The following ZBTB7C variants were observed in gnomAD, a reference collection of about 807,000 sequenced individuals.
ZBTB7C encodes zinc finger and BTB domain containing 7C.
A neutral mutation model predicts 25.7 loss-of-function variants in ZBTB7C; 8 were observed. The ratio of observed to expected loss-of-function variants is 0.31; its 90% confidence interval spans 0.18 to 0.56. The LOEUF is 0.56. Ranked by LOEUF, ZBTB7C falls within the 20% of genes least tolerant of loss-of-function variation. ZBTB7C has a pLI of 0.91. For missense variants in ZBTB7C, 824 were observed against 855.2 expected (o/e 0.96, Z 0.46); for synonymous variants, 394 against 369.0 (o/e 1.07, Z -0.78).
intron 3 of ZBTB7C, among the ~76,000 whole-genome samples, chr18:48,057,870 C>T (rs1225237945): frequency 6.6e-6 from 1 of 152,230 alleles, no homozygotes; most frequent in Non-Finnish European, 1.5e-5. Context: ...TGGCTGCCAT[C>T]AGGTGCTGTA....
chr18:48,269,408 CA>C (rs1424363908), intron 2 of ZBTB7C, among the ~76,000 whole-genome samples: 1 of 152,238 alleles, frequency 6.6e-6, no homozygotes, highest in Non-Finnish European at 1.5e-5. Context: ...CCAAAAGCCA[CA>C]CCTCCTAATA....
chr18:48,055,410 CAAAAAAAAAAAAAA>C (rs57782791), intron 3 of ZBTB7C, among the ~76,000 whole-genome samples: 1 of 72,790 alleles, frequency 1.4e-5, no homozygotes, highest in African/African-American at 5.3e-5. Context: ...ACTCAAGTCT[CAAAAAAAAAAAAAA>C]AAAAAAAAAG....
rs4075918 is a variant in ZBTB7C, at chr18:48,107,218, G to A, written c.-16-66095C>T. Among the ~76,000 whole-genome samples, 365 of 151,518 alleles carry A rather than the reference G, an allele frequency of 2.4e-3. 2 individuals are homozygous for A. Among genetic ancestry groups the A allele is most frequent in the Non-Finnish European group, 4.1e-3 (277 of 67,830 alleles). ...GTCAGGAGGGAGGAGGATTGAGAAG[G>A]AGGGGAGAAGGTGGAGGAGGGGTTA... On this transcript the variant is annotated intron_variant, in intron 3 of 4. Coordinates refer to ENST00000590800, the MANE Select transcript of ZBTB7C (RefSeq NM_001318841.2).
At chr18:48,376,189 A>T (rs2145187498) in intron 1 of ZBTB7C, among the ~76,000 whole-genome samples, 1 of 152,358 alleles carries the variant, frequency 6.6e-6, no homozygotes, top group African/African-American at 2.4e-5. Context: ...ACTAATCCAT[A>T]TTAAGTTGTT....
chr18:48,282,322 G>C (rs1270831671), intron 2 of ZBTB7C, among the ~76,000 whole-genome samples: 1 of 95,110 alleles, frequency 1.1e-5, no homozygotes. Context: ...GGGGTGGGGG[G>C]AGGGGGGAGG....
chr18:48,366,587 G>A (rs139690358), intron 1 of ZBTB7C, among the ~76,000 whole-genome samples: 269 of 152,264 alleles, frequency 1.8e-3, no homozygotes, highest in Non-Finnish European at 3.2e-3. Flanking sequence ...TTACAAACAC[G>A]TACAAGTCCA....
intron 3 of ZBTB7C, among the ~76,000 whole-genome samples, chr18:48,106,249 A>T (rs368550058): frequency 2.0e-5 from 3 of 151,764 alleles, no homozygotes; most frequent in Non-Finnish European, 4.4e-5. Flanking sequence ...CCAGCATCTC[A>T]TCTTCAGCAA....
intron 2 of ZBTB7C, among the ~76,000 whole-genome samples, chr18:48,331,692 A>T (rs180674802): frequency 6.6e-6 from 1 of 152,164 alleles, no homozygotes; most frequent in Admixed American, 6.5e-5. Context: ...ATGTGACCCT[A>T]CCGTATTCTA....
intron 3 of ZBTB7C, among the ~76,000 whole-genome samples, chr18:48,053,534 T>A (rs1254012755): frequency 6.6e-6 from 1 of 152,210 alleles, no homozygotes; most frequent in African/African-American, 2.4e-5. Context: ...TTTATATTTC[T>A]CTCATTTCAT....
chr18:48,390,248 T>G (rs1415558772), intron 1 of ZBTB7C, among the ~76,000 whole-genome samples: 4 of 152,100 alleles, frequency 2.6e-5, no homozygotes, highest in Non-Finnish European at 5.9e-5. Flanking sequence ...TGTTCCAGAC[T>G]TTTTTAATAC....
chr18:48,210,892 C>T (rs2042687968), intron 2 of ZBTB7C, among the ~76,000 whole-genome samples: 2 of 151,984 alleles, frequency 1.3e-5, no homozygotes, highest in Admixed American at 6.5e-5. Context: ...GAATAGCCAA[C>T]TCAATATTGA....
intron 3 of ZBTB7C, among the ~76,000 whole-genome samples, chr18:48,042,268 G>T (rs2036281244): frequency 6.6e-6 from 1 of 151,270 alleles, no homozygotes; most frequent in Non-Finnish European, 1.5e-5. Context: ...GCTGCTAAAA[G>T]CCTAAAACAA....
intron 2 of ZBTB7C, among the ~76,000 whole-genome samples, chr18:48,218,229 G>T (rs1203922074): frequency 1.3e-5 from 2 of 152,200 alleles, no homozygotes; most frequent in Non-Finnish European, 1.5e-5. Context: ...CACAGTCAGG[G>T]TGACAGCCCA....
At chr18:48,151,969 C>A (rs1428810409) in intron 3 of ZBTB7C, among the ~76,000 whole-genome samples, 1 of 152,120 alleles carries the variant, frequency 6.6e-6, no homozygotes, top group Non-Finnish European at 1.5e-5. Context: ...GGGACACAGG[C>A]CAGCCAGCCC....
chr18:48,196,708 T>G lies in ZBTB7C; in HGVS notation c.-78-10713A>C, dbSNP rs181892562. ...AAAGTCTTTTTTTTCTAGACCCAGC[T>G]CTATGGGTCACATATAGCAAAAGTC... is the stretch of plus-strand genomic sequence containing the variant. On this transcript the variant is annotated intron_variant, in intron 2 of 4. Transcript: ENST00000590800. Among the ~76,000 whole-genome samples the G allele has an allele frequency of 1.1e-3, 163 of 152,260 alleles. 1 individual carries two copies. The highest frequency in any genetic ancestry group is 1.0e-3 in the South Asian group (5 of 4,824).
intron 2 of ZBTB7C, among the ~76,000 whole-genome samples, chr18:48,261,945 G>C (rs1216919300): frequency 6.6e-6 from 1 of 152,224 alleles, no homozygotes; most frequent in Non-Finnish European, 1.5e-5. Flanking sequence ...CTTAGCATCT[G>C]TGGGTGCAGG....
intron 2 of ZBTB7C, among the ~76,000 whole-genome samples, chr18:48,229,317 T>C (rs2043189473): frequency 6.6e-6 from 1 of 152,204 alleles, no homozygotes; most frequent in Non-Finnish European, 1.5e-5. Context: ...AATTATTTTA[T>C]TCCCAAGATT....
chr18:48,321,755 A>G (rs530559923), intron 2 of ZBTB7C, among the ~76,000 whole-genome samples: 284 of 152,296 alleles, frequency 1.9e-3, no homozygotes, highest in Non-Finnish European at 2.2e-3. Flanking sequence ...CAGCCTGCTC[A>G]CAGAGCCACT....
At chr18:48,329,702 G>A (rs891426418) in intron 2 of ZBTB7C, among the ~76,000 whole-genome samples, 8 of 152,116 alleles carry the variant, frequency 5.3e-5, no homozygotes, top group Non-Finnish European at 1.2e-4. Flanking sequence ...TGTTTGTACC[G>A]ACACTGTCCA....
Sources: allele counts gnomAD v4.1 joint callset (sites outside exome capture counted in the v4.1 genomes callset), GRCh38; gene constraint gnomAD v4.1.1; transcripts MANE v1.5; gene names NCBI Gene and HGNC (gene_info 2026-07-23, HGNC 2026-07-21).